SND1: variants seen among roughly 807,000 people sequenced by gnomAD.
The protein encoded by SND1 is staphylococcal nuclease domain-containing protein 1.
SND1 carries 38 observed loss-of-function variants against 121.7 expected under a neutral mutation model. The ratio of observed to expected loss-of-function variants is 0.31; its 90% CI spans 0.24 to 0.41. SND1 has a LOEUF of 0.41. Ranked by LOEUF, SND1 falls within the 10% of genes least tolerant of loss-of-function variation. The probability of loss-of-function intolerance (pLI) is 1.00; values close to 1 mark genes in which losing one functional copy is unlikely to be tolerated. For synonymous variants in SND1, 401 were observed against 447.4 expected (o/e 0.90, Z 1.31); for missense variants, 868 against 1,184.6 (o/e 0.73, Z 3.92).
intron 9 of SND1, among the ~76,000 whole-genome samples, chr7:127,711,382 A>T (rs1488996550): frequency 6.6e-6 from 1 of 152,190 alleles, no homozygotes; most frequent in Non-Finnish European, 1.5e-5. Flanking sequence ...ATTTTATTTT[A>T]GAAGTCATTT....
At chr7:127,950,152 G>T (rs892505207) in intron 15 of SND1, among the ~76,000 whole-genome samples, 1 of 152,164 alleles carries the variant, frequency 6.6e-6, no homozygotes, top group African/African-American at 2.4e-5. Context: ...GTTTCCAGAC[G>T]ATGTCAATGC....
chr7:128,080,413 G>A (rs1021007197), intron 17 of SND1, among the ~76,000 whole-genome samples: 1 of 152,260 alleles, frequency 6.6e-6, no homozygotes, highest in Admixed American at 6.5e-5. Context: ...AGAGCGCATG[G>A]CCCAGCTTCT....
chr7:127,823,646 A>G (rs953688091), intron 11 of SND1, among the ~76,000 whole-genome samples: 8 of 152,160 alleles, frequency 5.3e-5, no homozygotes, highest in African/African-American at 1.9e-4. Flanking sequence ...AGTTTGTTTG[A>G]TCATCAGTTA....
intron 11 of SND1, among the ~76,000 whole-genome samples, chr7:127,823,682 C>T (rs1030797182): frequency 6.6e-6 from 1 of 152,152 alleles, no homozygotes; most frequent in Non-Finnish European, 1.5e-5. Context: ...TGCCTTGCCT[C>T]TCTCAACATT....
At chr7:128,033,084 G>T (rs1416161003) in intron 16 of SND1, among the ~76,000 whole-genome samples, 1 of 152,204 alleles carries the variant, frequency 6.6e-6, no homozygotes, top group Non-Finnish European at 1.5e-5. Flanking sequence ...AAGGGAGGCG[G>T]GCGGCTGAGC....
chr7:127,837,541 A>G (rs1248740279), intron 11 of SND1, among the ~76,000 whole-genome samples: 1 of 152,220 alleles, frequency 6.6e-6, no homozygotes, highest in Non-Finnish European at 1.5e-5. Context: ...GGTAAGTTTA[A>G]CATCCTCTCT....
intron 16 of SND1, among the ~76,000 whole-genome samples, chr7:128,040,607 T>C (rs899494930): frequency 6.6e-6 from 1 of 152,000 alleles, no homozygotes; most frequent in Non-Finnish European, 1.5e-5. Context: ...AATGGGAACA[T>C]ACTTTTTATA....
intron 13 of SND1, among the ~76,000 whole-genome samples, chr7:127,898,000 A>G (rs1430617134): frequency 6.6e-6 from 1 of 152,136 alleles, no homozygotes; most frequent in African/African-American, 2.4e-5. Flanking sequence ...TAGACTGCTC[A>G]TAACCACTAC....
At chr7:127,909,415 G>A (rs558731589) in intron 14 of SND1, among the ~76,000 whole-genome samples, 131 of 150,966 alleles carry the variant, frequency 8.7e-4, no homozygotes, top group African/African-American at 3.0e-3. Flanking sequence ...ACCTTTCTCC[G>A]TGACTGATTT....
At chr7:127,969,129 G>C (rs1432852797) in intron 15 of SND1, among the ~76,000 whole-genome samples, 1 of 152,184 alleles carries the variant, frequency 6.6e-6, no homozygotes, top group Non-Finnish European at 1.5e-5. Context: ...TGGCAACACA[G>C]TGGAAGTAAA....
chr7:127,840,764 C>T (rs1297772058), intron 11 of SND1, among the ~76,000 whole-genome samples: 1 of 152,158 alleles, frequency 6.6e-6, no homozygotes, highest in Non-Finnish European at 1.5e-5. Flanking sequence ...TACACATTGA[C>T]TTTAATTCCT....
At chr7:128,060,358 A>G (rs746163661) in intron 16 of SND1, among the ~76,000 whole-genome samples, 1 of 152,222 alleles carries the variant, frequency 6.6e-6, no homozygotes, top group Admixed American at 6.5e-5. Flanking sequence ...GGGTCCGTGA[A>G]GGAGAGTCAG....
intron 15 of SND1, among the ~76,000 whole-genome samples, chr7:127,930,075 T>C (rs1452821304): frequency 6.6e-6 from 1 of 152,216 alleles, no homozygotes; most frequent in Non-Finnish European, 1.5e-5. Flanking sequence ...TTCCAGTTGG[T>C]ACTTCACAGA....
chr7:128,038,756 T>A (rs1486647351), intron 16 of SND1, among the ~76,000 whole-genome samples: 1 of 152,174 alleles, frequency 6.6e-6, no homozygotes, highest in East Asian at 1.9e-4. Context: ...CCATATGTGC[T>A]TCACCCAGCT....
intron 2 of SND1, among the ~76,000 whole-genome samples, chr7:127,687,655 A>T (rs712710): frequency 6.6e-6 from 1 of 152,090 alleles, no homozygotes; most frequent in South Asian, 2.1e-4. Context: ...TGATTTCAGT[A>T]TTTTTTTATG....
At chr7:127,655,512 A>G (rs1314317679) in intron 1 of SND1, among the ~76,000 whole-genome samples, 1 of 152,188 alleles carries the variant, frequency 6.6e-6, no homozygotes, top group Non-Finnish European at 1.5e-5. Flanking sequence ...ATGATGGAAA[A>G]ACTTAAGATG....
chr7:128,025,217 G>A (rs773055487), intron 16 of SND1, among the ~76,000 whole-genome samples: 12 of 152,170 alleles, frequency 7.9e-5, no homozygotes, highest in Admixed American at 2.0e-4. Context: ...GAACACAGAC[G>A]TATCTTAGGA....
chr7:128,084,581 G>A (rs546124554), intron 18 of SND1, 143 bp from the exon 19 acceptor site: 26 of 778,080 alleles, frequency 3.3e-5, no homozygotes, highest in Non-Finnish European at 4.7e-5. Context: ...GGGCTTCCCC[G>A]CATGGGTTGG....
At chr7:127,916,428 T>C (rs1170982767) in intron 14 of SND1, among the ~76,000 whole-genome samples, 1 of 152,114 alleles carries the variant, frequency 6.6e-6, no homozygotes, top group African/African-American at 2.4e-5. Flanking sequence ...AAATTAAGAC[T>C]TTCTGAACAT....
Sources: gnomAD v4.1 joint callset for allele counts (sites outside exome capture counted in the v4.1 genomes callset) on GRCh38, gnomAD v4.1.1 for gene constraint, MANE v1.5 for transcripts, NCBI Gene and HGNC (gene_info 2026-07-23, HGNC 2026-07-21) for gene names.